The following RNF144A variants were observed in gnomAD, a reference collection of about 807,000 sequenced individuals.
The protein encoded by RNF144A is E3 ubiquitin-protein ligase RNF144A.
RNF144A carries 11 observed loss-of-function variants against 38.7 expected under a neutral mutation model. The observed-to-expected ratio is 0.28, with a 90% CI of 0.18 to 0.47. The LOEUF (loss-of-function observed/expected upper bound fraction) is 0.47, where lower values mean the gene tolerates loss of function less well. Ranked by LOEUF, RNF144A falls within the 20% of genes least tolerant of loss-of-function variation. RNF144A has a pLI of 0.99. For missense variants in RNF144A, 316 were observed against 377.2 expected (o/e 0.84, Z 1.34); for synonymous variants, 149 against 143.9 (o/e 1.04, Z -0.25).
chr2:6,965,105 G>C (rs1317368073), intron 2 of RNF144A, among the ~76,000 whole-genome samples: 3 of 152,174 alleles, frequency 2.0e-5, no homozygotes, highest in Admixed American at 2.0e-4. Flanking sequence ...GTTTGGAATT[G>C]TCCACAAACA....
chr2:6,996,805 A>T, intron 2 of RNF144A, 111 bp from the exon 3 acceptor site: 1 of 1,055,614 alleles, frequency 9.5e-7, no homozygotes, highest in Non-Finnish European at 1.4e-6. Context: ...CTCCATCAGC[A>T]GTCAGTTGGC....
chr2:6,929,733 G>A (rs1665088586), intron 1 of RNF144A, among the ~76,000 whole-genome samples: 1 of 152,152 alleles, frequency 6.6e-6, no homozygotes, highest in Non-Finnish European at 1.5e-5. Context: ...TGACTTATAT[G>A]TTATCCACAC....
In RNF144A at chr2:7,042,581, C is replaced by T; in HGVS notation, c.*2821C>T. 1 of 985,566 alleles carries T rather than the reference C, an allele frequency of 1.0e-6. No homozygotes were observed. The highest frequency in any genetic ancestry group is 1.2e-6 in the Non-Finnish European group (1 of 830,028). 61.1% of individuals were successfully genotyped at this position (985,566 alleles called of 1,614,324 possible). ...AGTGGACCTGTGGCTTCTCTGAGGC[C>T]CTTGAGTAACTGACCACATTTGGAG... is the stretch of plus-strand genomic sequence containing the variant. On this transcript the variant is annotated 3_prime_UTR_variant, in exon 9 of 9. Transcript: ENST00000320892.
At chr2:6,987,803 C>G (rs1184796494) in intron 2 of RNF144A, among the ~76,000 whole-genome samples, 1 of 152,178 alleles carries the variant, frequency 6.6e-6, no homozygotes, top group Non-Finnish European at 1.5e-5. Context: ...CTCTGTACTC[C>G]TGCAAAATCT....
downstream of RNF144A, among the ~76,000 whole-genome samples, chr2:7,068,616 G>T (rs1354644794): frequency 6.6e-6 from 1 of 152,240 alleles, no homozygotes; most frequent in Non-Finnish European, 1.5e-5. Flanking sequence ...TCAGACAAAA[G>T]CCAGGCTGAA....
At chr2:7,029,429 G>T (rs1333293792) in intron 7 of RNF144A, among the ~76,000 whole-genome samples, 1 of 152,212 alleles carries the variant, frequency 6.6e-6, no homozygotes, top group Non-Finnish European at 1.5e-5. Context: ...GGAAATGGAG[G>T]TGGGGTGGAG....
At chr2:6,997,515 T>C (rs927286610) in intron 3 of RNF144A, among the ~76,000 whole-genome samples, 8 of 152,212 alleles carry the variant, frequency 5.3e-5, no homozygotes, top group Admixed American at 3.9e-4. Flanking sequence ...TATTTTAAAA[T>C]CACATTTAAT....
intron 6 of RNF144A, among the ~76,000 whole-genome samples, chr2:7,021,348 C>T (rs999738410): frequency 6.6e-5 from 10 of 152,134 alleles, no homozygotes; most frequent in African/African-American, 2.2e-4. Context: ...ACCCACCACC[C>T]TCCCCAGGGT....
chr2:6,929,266 T>G (rs1282580534), intron 1 of RNF144A, among the ~76,000 whole-genome samples: 1 of 152,198 alleles, frequency 6.6e-6, no homozygotes, highest in Non-Finnish European at 1.5e-5. Flanking sequence ...GGAAGTCACA[T>G]GTCCCTGAGT....
chr2:6,974,806 T>A (rs544331895), intron 2 of RNF144A, among the ~76,000 whole-genome samples: 410 of 152,314 alleles, frequency 2.7e-3, no homozygotes, highest in Non-Finnish European at 4.2e-3. Flanking sequence ...ATGCTGACAT[T>A]TTTGGAACTC....
Position 6,920,696 on chromosome 2 carries a change from G to A in RNF144A, c.-212+3074G>A, listed in dbSNP as rs148028770. On this transcript the variant is annotated intron_variant, in intron 1 of 8. Transcript: ENST00000320892. The stretch of plus-strand genomic sequence containing the variant: ...ACATTGAGATCGAAGAATGAAGTTG[G>A]AGGTGCCTTTCTTTTCTTTAAGAAG... Among the ~76,000 whole-genome samples the A allele has an allele frequency of 3.4e-4, 52 of 152,328 alleles. No individual in the cohort carries two copies. The South Asian group carries it at 5.6e-3, about 16-fold the overall frequency.
At chr2:6,950,910 CTGT>C (rs558534498) in intron 2 of RNF144A, among the ~76,000 whole-genome samples, 6 of 152,190 alleles carry the variant, frequency 3.9e-5, no homozygotes, top group African/African-American at 1.4e-4. Context: ...ATTCTGAAGA[CTGT>C]TGTTTGTTTC....
chr2:7,014,957 C>A (rs1440196224), intron 5 of RNF144A, among the ~76,000 whole-genome samples, 185 bp downstream of exon 5: 1 of 152,064 alleles, frequency 6.6e-6, no homozygotes, highest in Non-Finnish European at 1.5e-5. Flanking sequence ...AGTTTGAAGA[C>A]CTTGTCTAGT....
At chr2:6,994,192 A>T (rs1669573231) in intron 2 of RNF144A, among the ~76,000 whole-genome samples, 1 of 152,146 alleles carries the variant, frequency 6.6e-6, no homozygotes, top group African/African-American at 2.4e-5. Context: ...ATTGTCAAAA[A>T]ACAAGCTCTC....
intron 3 of RNF144A, among the ~76,000 whole-genome samples, chr2:7,001,879 T>C (rs1670131113): frequency 6.6e-6 from 1 of 152,230 alleles, no homozygotes; most frequent in Non-Finnish European, 1.5e-5. Flanking sequence ...GTGTGATTTT[T>C]AGCAAGCATC....
At chr2:7,062,271 C>G (rs1673987780) in intron 6 of RNF144A, among the ~76,000 whole-genome samples, 1 of 152,042 alleles carries the variant, frequency 6.6e-6, no homozygotes, top group South Asian at 2.1e-4. Flanking sequence ...CTCTTGAGGT[C>G]TGGGCTTGAA....
chr2:6,952,255 G>T (rs1666732526), intron 2 of RNF144A, among the ~76,000 whole-genome samples: 1 of 152,006 alleles, frequency 6.6e-6, no homozygotes, highest in African/African-American at 2.4e-5. Context: ...AATCTAGCTT[G>T]TTTAAATACA....
At chr2:7,034,806 G>C (rs572317038) in intron 8 of RNF144A, among the ~76,000 whole-genome samples, 1 of 152,346 alleles carries the variant, frequency 6.6e-6, no homozygotes, top group Admixed American at 6.5e-5. Context: ...AGGAGGAGAG[G>C]ACAGTGTGAG....
chr2:6,993,898 T>C (rs1372464150), intron 2 of RNF144A, among the ~76,000 whole-genome samples: 2 of 152,136 alleles, frequency 1.3e-5, no homozygotes, highest in Non-Finnish European at 1.5e-5. Context: ...ATATTAGATA[T>C]ATTATTCTAA....
Sources: gnomAD v4.1 joint callset for allele counts (sites outside exome capture counted in the v4.1 genomes callset) on GRCh38, gnomAD v4.1.1 for gene constraint, MANE v1.5 for transcripts, NCBI Gene and HGNC (gene_info 2026-07-23, HGNC 2026-07-21) for gene names.